The following USP53 variants were observed in gnomAD, a reference collection of about 807,000 sequenced individuals.
The protein encoded by USP53 is ubiquitin carboxyl-terminal hydrolase 53.
Under a neutral mutation model 94.9 loss-of-function variants are expected in USP53, and 71 were observed. The observed-to-expected ratio is 0.75, with a 90% CI of 0.62 to 0.91. The LOEUF (loss-of-function observed/expected upper bound fraction) is 0.91, where lower values mean the gene tolerates loss of function less well. Ranked by LOEUF, USP53 falls within the 40% of genes least tolerant of loss-of-function variation. USP53 has a pLI of 0.00. For missense variants in USP53, 1,173 were observed against 1,281.0 expected (o/e 0.92, Z 1.29); for synonymous variants, 375 against 422.7 (o/e 0.89, Z 1.39).
At chr4:119,273,282 C>G (rs1283452144) in intron 16 of USP53, 2 of 157,824 alleles carry the variant, frequency 1.3e-5, no homozygotes, top group African/African-American at 4.9e-5. Flanking sequence ...CCACTGCACT[C>G]CATCCTGGGC....
intron 17 of USP53, among the ~76,000 whole-genome samples, chr4:119,289,164 A>G (rs1754457642): frequency 1.3e-5 from 2 of 152,226 alleles, no homozygotes; most frequent in Admixed American, 6.5e-5. Context: ...TGCTTTATGC[A>G]TATTTCCCAT....
chr4:119,240,404 A>G (rs941959000), intron 5 of USP53, among the ~76,000 whole-genome samples: 1 of 152,144 alleles, frequency 6.6e-6, no homozygotes, highest in Non-Finnish European at 1.5e-5. Context: ...TTGAAGGATA[A>G]TCCATTTTGC....
Position 119,259,930 on chromosome 4 carries a change from G to A in USP53, c.675+5G>A. On this transcript the variant is annotated splice_donor_5th_base_variant and intron_variant, in intron 10 of 18. Coordinates refer to ENST00000692078, the MANE Select transcript of USP53 (RefSeq NM_001371395.1). ...GATGACTATAGGAAATGTCCTGTAA[G>A]TATAGTTTGGAGAATATTAGTATGC... 1 of 1,594,520 alleles carries A rather than the reference G, an allele frequency of 6.3e-7. No individual in the cohort carries two copies. Among genetic ancestry groups the A allele is most frequent in the East Asian group, 2.3e-5 (1 of 44,078 alleles).
chr4:119,272,423 T>C (rs1023880626), intron 16 of USP53: 2 of 159,212 alleles, frequency 1.3e-5, no homozygotes, highest in African/African-American at 4.8e-5. Context: ...CTTCTTTTTT[T>C]GGTGGGAGGG....
chr4:119,213,660 A>ATGTGTGTGTGTGTGTGTGTGTGTG lies in USP53; in HGVS notation c.-941-397_-941-396insGTGTGTGTGTGTGTGTGTGTGTGT, dbSNP rs1553962017. On this transcript the variant is annotated intron_variant, in intron 1 of 18. Transcript: ENST00000692078. The stretch of plus-strand genomic sequence containing the variant: ...GAAATAGATATATATATATATATAT[A>ATGTGTGTGTGTGTGTGTGTGTGTG]TGTGTGTGTGTGTATGTATGTATGT... 4.2e-4 allele frequency among the ~76,000 whole-genome samples: 50 copies of ATGTGTGTGTGTGTGTGTGTGTGTG among 117,748 alleles called. 1 individual carries two copies. Among genetic ancestry groups the ATGTGTGTGTGTGTGTGTGTGTGTG allele is most frequent in the African/African-American group, 1.5e-3 (43 of 27,774 alleles). 77.2% of individuals were successfully genotyped at this position (117,748 alleles called of 152,430 possible).
Position 119,274,666 on chromosome 4 carries a change from C to G in USP53, c.2251+958C>G, listed in dbSNP as rs1409084064. ...TTCTAGTTCTAGATCCCTGAGGAAT[C>G]GCCACACTGACTTCCACAAGGGTTG... On this transcript the variant is annotated intron_variant, in intron 17 of 18. Coordinates refer to ENST00000692078, the MANE Select transcript of USP53 (RefSeq NM_001371395.1). Among the ~76,000 whole-genome samples the G allele has an allele frequency of 1.1e-3, 161 of 145,104 alleles. 3 individuals carry two copies. The highest frequency in any genetic ancestry group is 5.6e-3 in the South Asian group (24 of 4,290).
At chr4:119,230,554 C>A (rs1009058033) in intron 3 of USP53, among the ~76,000 whole-genome samples, 2 of 152,144 alleles carry the variant, frequency 1.3e-5, no homozygotes, top group Non-Finnish European at 2.9e-5. Flanking sequence ...CTGGCAGATG[C>A]CCTTGTAGCT....
rs767939357 is a variant in USP53 at position 119,245,373 on chromosome 4, C to T, written c.181C>T (p.Arg61Trp). 21 of 1,613,544 alleles carry T rather than the reference C, an allele frequency of 1.3e-5. No homozygotes were observed. Among genetic ancestry groups the T allele is most frequent in the Non-Finnish European group, 1.4e-5 (16 of 1,179,836 alleles). The change falls in exon 6 of 19, where the codon CGG becomes TGG. Residue 61 changes from arginine to tryptophan, a missense_variant. By Grantham distance (101) the Arg-to-Trp change is moderately radical (BLOSUM62 -3). Coordinates refer to ENST00000692078, the MANE Select transcript of USP53 (RefSeq NM_001371395.1). ...WQLDIFRRSL[R>W]VLTGHVCQGD... ...ATTGGATATATTCCGACGAAGCTTG[C>T]GGGTTTTGACTGGACATGTTTGTCA...
chr4:119,248,208 A>C (rs1748503769), intron 6 of USP53, among the ~76,000 whole-genome samples: 1 of 135,488 alleles, frequency 7.4e-6, no homozygotes. Context: ...TTAGATTAGA[A>C]ACTGAATGAT....
In USP53 at chr4:119,239,682, A is replaced by G; in HGVS notation, c.-78A>G. On this transcript the variant is annotated 5_prime_UTR_variant, in exon 5 of 19. Coordinates refer to ENST00000692078, the MANE Select transcript of USP53 (RefSeq NM_001371395.1). ...GCAGTGGATTTAATTGGACAATTCA[A>G]GACATCCATTTTATTGTCCAAAATA... 1 of 1,477,000 alleles carries G rather than the reference A, an allele frequency of 6.8e-7. No homozygotes were observed. The highest frequency in any genetic ancestry group is 1.4e-5 in the South Asian group (1 of 71,228). 91.5% of individuals were successfully genotyped at this position (1,477,000 alleles called of 1,614,324 possible).
In USP53 at chr4:119,278,461, G is replaced by A. The variant is rs1392825059; in HGVS notation, c.2251+4753G>A. On this transcript the variant is annotated intron_variant, in intron 17 of 18. Coordinates refer to ENST00000692078, the MANE Select transcript of USP53 (RefSeq NM_001371395.1). ...TCTTCTGGCTTGTAGGGTTTCTGCCGAGAGATCCACTGTTAGTCTGATGGG... is the reference window on the plus strand; with the variant it reads ...TCTTCTGGCTTGTAGGGTTTCTGCCAAGAGATCCACTGTTAGTCTGATGGG... 1.4e-5 allele frequency among the ~76,000 whole-genome samples: 2 copies of A among 145,356 alleles called. 1 individual carries two copies. The highest frequency in any genetic ancestry group is 1.4e-4 in the Admixed American group (2 of 14,404).
At chr4:119,271,068 A>T (rs1262088315) in intron 15 of USP53, among the ~76,000 whole-genome samples, 1 of 152,180 alleles carries the variant, frequency 6.6e-6, no homozygotes, top group Non-Finnish European at 1.5e-5. Context: ...CTCAATTATG[A>T]TCTACCTTAG....
chr4:119,273,795 C>A, intron 17 of USP53, 87 bp downstream of exon 17: 1 of 1,021,812 alleles, frequency 9.8e-7, no homozygotes, highest in Non-Finnish European at 1.4e-6. Flanking sequence ...GAGAGAAAAT[C>A]CTATATGACT....
chr4:119,220,620 C>G (rs1744385326), intron 3 of USP53: 1 of 152,122 alleles, frequency 6.6e-6, no homozygotes, highest in Non-Finnish European at 1.5e-5. Context: ...TGAAGTGATT[C>G]TGCCAGTTTT....
At chr4:119,272,717 C>G (rs546717358) in intron 16 of USP53, 1 of 152,272 alleles carries the variant, frequency 6.6e-6, no homozygotes, top group East Asian at 1.9e-4. Flanking sequence ...TTTAATTCTT[C>G]AATCTATATA....
Position 119,212,735 on chromosome 4 carries a change from T to G in USP53, c.-1080T>G. 3.0e-6 allele frequency: 1 copy of G among 336,656 alleles called. No homozygotes were observed. Among genetic ancestry groups the G allele is most frequent in the Non-Finnish European group, 6.0e-6 (1 of 167,862 alleles). The allele number at this position is 336,656 out of a possible 1,614,324, so 20.9% of individuals were successfully genotyped here. On this transcript the variant is annotated 5_prime_UTR_variant, in exon 1 of 19. Transcript: ENST00000692078. ...TCCAGTTCCCGGTGAGCCTCGGTAC[T>G]GTGGCAGCAGTCAGTGTGTCTGGCG... is the stretch of plus-strand genomic sequence containing the variant.
intron 10 of USP53, 118 bp downstream of exon 10, chr4:119,260,043 A>T (rs545502000): frequency 1.2e-4 from 79 of 661,174 alleles, no homozygotes; most frequent in Middle Eastern, 9.1e-4. Flanking sequence ...AAGAATTTTT[A>T]AAAAATATTA....
chr4:119,227,585 C>T (rs930350070), intron 3 of USP53, among the ~76,000 whole-genome samples: 2 of 152,134 alleles, frequency 1.3e-5, no homozygotes, highest in African/African-American at 4.8e-5. Context: ...GAGCCGAGAT[C>T]GCGCCACTGC....
At chr4:119,291,990 C>T (rs990380521) in intron 18 of USP53, among the ~76,000 whole-genome samples, 2 of 152,090 alleles carry the variant, frequency 1.3e-5, no homozygotes, top group Non-Finnish European at 2.9e-5. Context: ...TACTGTTTGA[C>T]TGTTAACACT....
Sources: allele counts gnomAD v4.1 joint callset (sites outside exome capture counted in the v4.1 genomes callset), GRCh38; gene constraint gnomAD v4.1.1; transcripts MANE v1.5; gene names NCBI Gene and HGNC (gene_info 2026-07-23, HGNC 2026-07-21).